SPATS2: variants seen among roughly 807,000 people sequenced by gnomAD.
The protein encoded by SPATS2 is spermatogenesis-associated serine-rich protein 2.
Under a neutral mutation model 63.7 loss-of-function variants are expected in SPATS2, and 38 were observed. The observed-to-expected ratio is 0.60, with a 90% CI of 0.46 to 0.78. The LOEUF is 0.78. Ranked by LOEUF, SPATS2 falls within the 30% of genes least tolerant of loss-of-function variation. The pLI, the probability that SPATS2 is intolerant of heterozygous loss-of-function variation, is 0.00. For synonymous variants in SPATS2, 207 were observed against 232.9 expected (o/e 0.89, Z 1.01); for missense variants, 588 against 666.2 (o/e 0.88, Z 1.29).
intron 2 of SPATS2, among the ~76,000 whole-genome samples, chr12:49,440,704 T>A (rs1429388670): frequency 6.6e-6 from 1 of 152,170 alleles, no homozygotes; most frequent in East Asian, 1.9e-4. Flanking sequence ...CTTGACCTTG[T>A]GATTTGCCTG....
intron 10 of SPATS2, among the ~76,000 whole-genome samples, chr12:49,515,782 G>A (rs563270432): frequency 8.5e-5 from 13 of 152,108 alleles, no homozygotes; most frequent in East Asian, 5.8e-4. Flanking sequence ...CACTTTGGGC[G>A]GATCACCTGA....
rs191872985 is a variant in SPATS2, at chr12:49,444,367, G to A, written c.-243-16403G>A. Among the ~76,000 whole-genome samples, 660 of 151,682 alleles carry A rather than the reference G, an allele frequency of 4.4e-3. 4 individuals are homozygous for A. The highest frequency in any genetic ancestry group is 8.6e-3 in the South Asian group (41 of 4,764). On this transcript the variant is annotated intron_variant, in intron 2 of 13. Coordinates refer to ENST00000552918, the MANE Select transcript of SPATS2 (RefSeq NM_023071.4). ...TGAGTAGCTGGGACTGTAGTTGCACGTCATTGTGCCCAGCTAATTTAAATT... is the reference window on the plus strand; with the variant it reads ...TGAGTAGCTGGGACTGTAGTTGCACATCATTGTGCCCAGCTAATTTAAATT...
Position 49,526,479 on chromosome 12 carries a change from C to A in SPATS2, c.*224C>A. 1 of 583,094 alleles carries A rather than the reference C, an allele frequency of 1.7e-6. No homozygotes were observed. The highest frequency in any genetic ancestry group is 2.9e-6 in the Non-Finnish European group (1 of 348,746). The allele number at this position is 583,094 out of a possible 1,614,324, so 36.1% of individuals were successfully genotyped here. A position where few individuals can be genotyped will look rare whatever the true frequency, so the allele number is the denominator to read the frequency against. ...TCTTTCCCAGTGATATGGATTGAAT[C>A]TGGTTGGTCATTTCCACCAGGAATC... On this transcript the variant is annotated 3_prime_UTR_variant, in exon 14 of 14. Transcript: ENST00000552918.
intron 2 of SPATS2, among the ~76,000 whole-genome samples, chr12:49,400,939 A>G (rs1944594267): frequency 6.6e-6 from 1 of 152,184 alleles, no homozygotes; most frequent in South Asian, 2.1e-4. Context: ...GCCGTGGTGC[A>G]TAGCTCACTG....
chr12:49,381,157 T>A (rs958153537), intron 2 of SPATS2, among the ~76,000 whole-genome samples: 1 of 152,222 alleles, frequency 6.6e-6, no homozygotes, highest in Non-Finnish European at 1.5e-5. Context: ...ATGTTGAACA[T>A]CTTTTCATGT....
At chr12:49,421,615 T>C (rs1317618458) in intron 2 of SPATS2, among the ~76,000 whole-genome samples, 1 of 152,092 alleles carries the variant, frequency 6.6e-6, no homozygotes, top group African/African-American at 2.4e-5. Context: ...CTAAAAGGTT[T>C]TCCCCTACAT....
chr12:49,421,142 G>A (rs1446157757), intron 2 of SPATS2, among the ~76,000 whole-genome samples: 1 of 151,992 alleles, frequency 6.6e-6, no homozygotes, highest in Non-Finnish European at 1.5e-5. Context: ...TGCATTGGCC[G>A]GGTGCGGTGG....
chr12:49,430,571 G>A (rs1592387686), intron 2 of SPATS2, among the ~76,000 whole-genome samples: 2 of 152,216 alleles, frequency 1.3e-5, no homozygotes, highest in East Asian at 1.9e-4. Context: ...ATCTGCAGGT[G>A]TAGTAGGTTA....
At chr12:49,378,164 G>A (rs920631986) in intron 2 of SPATS2, among the ~76,000 whole-genome samples, 1 of 151,960 alleles carries the variant, frequency 6.6e-6, no homozygotes, top group East Asian at 1.9e-4. Flanking sequence ...GTAGAGATGG[G>A]GTTTCACCAT....
intron 10 of SPATS2, among the ~76,000 whole-genome samples, chr12:49,516,163 AAAAATATATATATATAT>A (rs1946841514): frequency 4.9e-5 from 1 of 20,298 alleles, no homozygotes; most frequent in African/African-American, 3.5e-4. Context: ...AAAAAAAAAA[AAAAATATATATATATAT>A]ATATATATAT....
chr12:49,489,247 T>TCTG (rs2137870773), intron 4 of SPATS2, among the ~76,000 whole-genome samples: 1 of 152,370 alleles, frequency 6.6e-6, no homozygotes, highest in South Asian at 2.1e-4. Flanking sequence ...CTAGCAATGT[T>TCTG]CTGCATTTCT....
At chr12:49,445,278 C>T (rs1945490892) in intron 2 of SPATS2, among the ~76,000 whole-genome samples, 1 of 152,016 alleles carries the variant, frequency 6.6e-6, no homozygotes, top group African/African-American at 2.4e-5. Flanking sequence ...GAACATTTCC[C>T]CTTTTTTAAA....
chr12:49,525,469 G>A (rs565940178), intron 13 of SPATS2, among the ~76,000 whole-genome samples: 12 of 152,290 alleles, frequency 7.9e-5, no homozygotes, highest in Non-Finnish European at 1.6e-4. Context: ...TAAGCTTTCC[G>A]GATTATAATG....
At chr12:49,446,034 G>T (rs1239890947) in intron 2 of SPATS2, among the ~76,000 whole-genome samples, 2 of 152,024 alleles carry the variant, frequency 1.3e-5, no homozygotes, top group African/African-American at 4.8e-5. Context: ...CTCCTGAGTA[G>T]GTGGGACTAC....
chr12:49,421,285 G>C (rs754674245), intron 2 of SPATS2, among the ~76,000 whole-genome samples: 1 of 151,916 alleles, frequency 6.6e-6, no homozygotes, highest in Non-Finnish European at 1.5e-5. Flanking sequence ...GGGCATGGTG[G>C]CGTGCGCCTG....
intron 3 of SPATS2, among the ~76,000 whole-genome samples, chr12:49,479,086 G>A (rs1050136743): frequency 6.6e-6 from 1 of 152,186 alleles, no homozygotes; most frequent in Non-Finnish European, 1.5e-5. Context: ...TCTGCAGCAG[G>A]TTGTCCCTGT....
At chr12:49,385,304 A>C (rs1944293427) in intron 2 of SPATS2, among the ~76,000 whole-genome samples, 1 of 150,702 alleles carries the variant, frequency 6.6e-6, no homozygotes, top group Non-Finnish European at 1.5e-5. Flanking sequence ...AAAAACCATG[A>C]AAAAAACACC....
At chr12:49,505,256 T>C (rs972030441) in intron 9 of SPATS2, among the ~76,000 whole-genome samples, 1 of 152,174 alleles carries the variant, frequency 6.6e-6, no homozygotes, top group African/African-American at 2.4e-5. Context: ...ATATGTATTA[T>C]CAAAAATGTA....
At chr12:49,423,632 T>A (rs1945022217) in intron 2 of SPATS2, among the ~76,000 whole-genome samples, 1 of 152,220 alleles carries the variant, frequency 6.6e-6, no homozygotes, top group African/African-American at 2.4e-5. Context: ...ATTCAATGAA[T>A]ATTAGTTGAA....
Sources: gnomAD v4.1 joint callset for allele counts (sites outside exome capture counted in the v4.1 genomes callset) on GRCh38, gnomAD v4.1.1 for gene constraint, MANE v1.5 for transcripts, NCBI Gene and HGNC (gene_info 2026-07-23, HGNC 2026-07-21) for gene names.